CEP44: variants seen among roughly 807,000 people sequenced by gnomAD.
CEP44 encodes centrosomal protein 44.
A neutral mutation model predicts 46.7 loss-of-function variants in CEP44; 45 were observed. That is an observed-to-expected ratio of 0.96 (90% confidence interval 0.76 to 1.24). The LOEUF (loss-of-function observed/expected upper bound fraction) is 1.24. CEP44 is among the 50% of genes most tolerant of loss of function. The probability of loss-of-function intolerance (pLI) is 0.00; values close to 1 mark genes in which losing one functional copy is unlikely to be tolerated. For synonymous variants in CEP44, 142 were observed against 146.0 expected (o/e 0.97, Z 0.20); for missense variants, 475 against 459.7 (o/e 1.03, Z -0.30).
At chr4:174,321,621 C>A (rs1470293427), downstream of CEP44, among the ~76,000 whole-genome samples, 3 of 152,118 alleles carry the variant, frequency 2.0e-5, no homozygotes, top group East Asian at 5.8e-4. Flanking sequence ...GTACAACAGG[C>A]AATATTCTGC....
intron 9 of CEP44, among the ~76,000 whole-genome samples, chr4:174,313,389 A>C (rs1473532770): frequency 6.9e-6 from 1 of 145,314 alleles, no homozygotes; most frequent in African/African-American, 2.5e-5. Context: ...AGGAAAAAAA[A>C]AAAAAAGGTG....
At chr4:174,300,079 G>A (rs1241416102) in intron 3 of CEP44, among the ~76,000 whole-genome samples, 1 of 152,178 alleles carries the variant, frequency 6.6e-6, no homozygotes, top group Non-Finnish European at 1.5e-5. Flanking sequence ...TTGAATGAAT[G>A]AGTGTCCAGG....
chr4:174,295,124 G>T (rs75107731), intron 1 of CEP44, among the ~76,000 whole-genome samples: 57 of 151,910 alleles, frequency 3.8e-4, no homozygotes, highest in African/African-American at 1.4e-3. Flanking sequence ...GGCCTGGCGG[G>T]GGCTGACCCT....
chr4:174,332,219 AG>A (rs1560929911), exon 9 of CEP44: 2 of 152,370 alleles, frequency 1.3e-5, no homozygotes. Flanking sequence ...CCGTTGGTAC[AG>A]TAGGCTAAAG....
intron 1 of CEP44, among the ~76,000 whole-genome samples, chr4:174,291,926 G>T (rs890014423): frequency 1.3e-5 from 2 of 150,704 alleles, no homozygotes; most frequent in Non-Finnish European, 3.0e-5. Context: ...AGGTAGCTGG[G>T]ACTAGAGGCA....
chr4:174,285,127 A>G (rs1318101538), intron 1 of CEP44, among the ~76,000 whole-genome samples: 3 of 152,236 alleles, frequency 2.0e-5, no homozygotes, highest in Non-Finnish European at 2.9e-5. Context: ...CTTCTTTATT[A>G]TTGAATCTAT....
Position 174,317,602 on chromosome 4 carries a change from G to A in CEP44, c.*219G>A, listed in dbSNP as rs1328518384. The A allele has an allele frequency of 1.9e-6, 2 of 1,081,016 alleles. No individual in the cohort carries two copies. The highest frequency in any genetic ancestry group is 3.4e-5 in the African/African-American group (2 of 59,488). The allele number at this position is 1,081,016 out of a possible 1,614,324, so 67.0% of individuals were successfully genotyped here. A position where few individuals can be genotyped will look rare whatever the true frequency, so the allele number is the denominator to read the frequency against. ...CCTTGTGTCACTTTTTTTTTTTTTA[G>A]GAAAAACTCATGTTCCAGTATATTT... On this transcript the variant is annotated 3_prime_UTR_variant, in exon 12 of 12. Transcript: ENST00000503780.
chr4:174,307,966 C>T (rs749638432), intron 6 of CEP44, among the ~76,000 whole-genome samples: 9 of 151,970 alleles, frequency 5.9e-5, no homozygotes, highest in Non-Finnish European at 1.2e-4. Context: ...AACAGATGCT[C>T]GTGAGTTTGT....
chr4:174,317,685 T>C lies in CEP44; in HGVS notation c.*302T>C. 1 of 1,007,494 alleles carries C rather than the reference T, an allele frequency of 9.9e-7. No homozygotes were observed. The highest frequency in any genetic ancestry group is 1.2e-6 in the Non-Finnish European group (1 of 843,960). 62.4% of individuals were successfully genotyped at this position (1,007,494 alleles called of 1,614,324 possible). A position where few individuals can be genotyped will look rare whatever the true frequency, so the allele number is the denominator to read the frequency against. The stretch of plus-strand genomic sequence containing the variant: ...TTTCTGTGTTGACATTTGTTGGCAG[T>C]GTGCTAAGTAATGTTTTTTAAAGCA... On this transcript the variant is annotated 3_prime_UTR_variant, in exon 12 of 12. Coordinates refer to ENST00000503780, the MANE Select transcript of CEP44 (RefSeq NM_001040157.3).
Position 174,317,526 on chromosome 4 carries a change from C to A in CEP44, c.*143C>A. On this transcript the variant is annotated 3_prime_UTR_variant, in exon 12 of 12. Transcript: ENST00000503780. ...CATTTGGTATATGAATTTTTGCATTCATTATTGAATAACTCTTTTAATATT... is the reference window on the plus strand; with the variant it reads ...CATTTGGTATATGAATTTTTGCATTAATTATTGAATAACTCTTTTAATATT... The A allele has an allele frequency of 3.4e-6, 4 of 1,186,592 alleles. No homozygotes were observed. The highest frequency in any genetic ancestry group is 4.2e-6 in the Non-Finnish European group (4 of 947,776). The allele number at this position is 1,186,592 out of a possible 1,614,324, so 73.5% of individuals were successfully genotyped here.
rs535842565 is a variant in CEP44, at chr4:174,294,650, G to A, written c.-147-3316G>A. 1.1e-4 allele frequency among the ~76,000 whole-genome samples: 16 copies of A among 150,606 alleles called. No homozygotes were observed. The East Asian group carries it at 1.8e-3, about 17-fold the overall frequency. ...CAGAGGCGCCCCTCACCTCCCAGAC[G>A]GGGCGGCTGGCCGGGCGGGGGGCTG... On this transcript the variant is annotated intron_variant, in intron 1 of 11. Transcript: ENST00000503780.
rs1740764794 is a variant in CEP44, at chr4:174,308,952, C to T, written c.678+93C>T. On this transcript the variant is annotated intron_variant, in intron 7 of 11. Coordinates refer to ENST00000503780, the MANE Select transcript of CEP44 (RefSeq NM_001040157.3). ...CTCTAAACTTTGGAATATTTCTAGC[C>T]TTTTGAATTATTAATCATGACATTT... is the stretch of plus-strand genomic sequence containing the variant. 7.5e-6 allele frequency: 8 copies of T among 1,066,598 alleles called. 1 individual carries two copies. Among genetic ancestry groups the T allele is most frequent in the Middle Eastern group, 4.9e-4 (2 of 4,058 alleles). 66.1% of individuals were successfully genotyped at this position (1,066,598 alleles called of 1,614,324 possible). A position where few individuals can be genotyped will look rare whatever the true frequency, so the allele number is the denominator to read the frequency against.
chr4:174,326,390 A>G lies in CEP44; in HGVS notation c.1087-5092A>G, dbSNP rs968758060. 6.6e-6 allele frequency among the ~76,000 whole-genome samples: 1 copy of G among 152,038 alleles called. No individual in the cohort carries two copies. On this transcript the variant is annotated intron_variant, in intron 8 of 8. Transcript: ENST00000426172. The surrounding 1 kb of genome is among the most constrained non-coding windows in gnomAD (Gnocchi z 4.8). Reference sequence around the variant, plus strand: ...AAATATTATACTACTCATTTTAAGTATAACATAAGAGCCTTACGATAATAT... The same window carrying G: ...AAATATTATACTACTCATTTTAAGTGTAACATAAGAGCCTTACGATAATAT...
At chr4:174,284,925 A>T (rs936497173) in intron 1 of CEP44, among the ~76,000 whole-genome samples, 2 of 152,206 alleles carry the variant, frequency 1.3e-5, no homozygotes, top group African/African-American at 4.8e-5. Context: ...TTCATTCTAA[A>T]CAAAAATCAC....
chr4:174,310,979 C>T lies in CEP44; in HGVS notation c.961+121C>T, dbSNP rs897116761. ...ATTGCAAAGCTCCTAGAACAAAGAA[C>T]ATAATGAACCTACAGACTACTAAAG... On this transcript the variant is annotated intron_variant, in intron 9 of 11. Coordinates refer to ENST00000503780, the MANE Select transcript of CEP44 (RefSeq NM_001040157.3). This position sits in a 1 kb window ranked among gnomAD's most constrained non-coding sequence, Gnocchi z 4.2. The T allele has an allele frequency of 1.3e-5, 7 of 526,546 alleles. No individual in the cohort carries two copies. The highest frequency in any genetic ancestry group is 2.0e-5 in the African/African-American group (1 of 50,826). 32.6% of individuals were successfully genotyped at this position (526,546 alleles called of 1,614,324 possible). A position where few individuals can be genotyped will look rare whatever the true frequency, so the allele number is the denominator to read the frequency against.
At chr4:174,306,037 C>T (rs951171335) in intron 6 of CEP44, among the ~76,000 whole-genome samples, 3 of 151,884 alleles carry the variant, frequency 2.0e-5, no homozygotes, top group Non-Finnish European at 4.4e-5. Context: ...TCTACAAGTA[C>T]ATTTCTTTGT....
At chr4:174,305,136 T>A (rs2126607118) in intron 6 of CEP44, among the ~76,000 whole-genome samples, 1 of 152,270 alleles carries the variant, frequency 6.6e-6, no homozygotes, top group Non-Finnish European at 1.5e-5. Flanking sequence ...ATACATGAGT[T>A]ATGTAAACAG....
chr4:174,291,799 T>C (rs1738255056), intron 1 of CEP44, among the ~76,000 whole-genome samples: 2 of 130,254 alleles, frequency 1.5e-5, no homozygotes, highest in African/African-American at 5.9e-5. Context: ...TTTTTTTTTT[T>C]TTTTTTTTTT....
Position 174,301,231 on chromosome 4 carries a change from G to A in CEP44, c.90-808G>A, listed in dbSNP as rs1739668365. Reference sequence around the variant, plus strand: ...ATACTGCAATTGAACAAATGTAACTGGCAAATTGAACAAATACCTCCTGTG... The same window carrying A: ...ATACTGCAATTGAACAAATGTAACTAGCAAATTGAACAAATACCTCCTGTG... On this transcript the variant is annotated intron_variant, in intron 3 of 11. Coordinates refer to ENST00000503780, the MANE Select transcript of CEP44 (RefSeq NM_001040157.3). The surrounding 1 kb of genome is among the most constrained non-coding windows in gnomAD (Gnocchi z 4.3). Among the ~76,000 whole-genome samples the A allele has an allele frequency of 2.0e-5, 3 of 152,106 alleles. No individual in the cohort carries two copies. Among genetic ancestry groups the A allele is most frequent in the Admixed American group, 6.5e-5 (1 of 15,278 alleles).
Sources: gnomAD v4.1 joint callset for allele counts (sites outside exome capture counted in the v4.1 genomes callset) on GRCh38, gnomAD v4.1.1 for gene constraint, Gnocchi (gnomAD v3.1) non-coding constraint, MANE v1.5 for transcripts, NCBI Gene and HGNC (gene_info 2026-07-23, HGNC 2026-07-21) for gene names.